The following NEK11 variants were observed in gnomAD, a reference collection of about 807,000 sequenced individuals.
NEK11 encodes NIMA related kinase 11.
In NEK11, 72 loss-of-function variants were observed where a neutral mutation model predicts 80.7. The observed-to-expected ratio is 0.89, with a 90% CI of 0.74 to 1.08. NEK11 has a LOEUF of 1.08. Ranked by LOEUF, NEK11 falls within the 50% of genes least tolerant of loss-of-function variation. The probability of loss-of-function intolerance (pLI) is 0.00; values close to 1 mark genes in which losing one functional copy is unlikely to be tolerated. For synonymous variants in NEK11, 251 were observed against 260.7 expected (o/e 0.96, Z 0.36); for missense variants, 764 against 763.6 (o/e 1.00, Z -0.01).
At chr3:131,347,744 G>C (rs151221215) in intron 17 of NEK11, among the ~76,000 whole-genome samples, 152 of 152,266 alleles carry the variant, frequency 1.0e-3, no homozygotes, top group African/African-American at 3.6e-3. Context: ...TTCGAGACCA[G>C]CCTGGCCAAC....
At chr3:131,348,960 CATT>C (rs1264606930) in intron 17 of NEK11, among the ~76,000 whole-genome samples, 1 of 152,050 alleles carries the variant, frequency 6.6e-6, no homozygotes, top group African/African-American at 2.4e-5. Flanking sequence ...TCCTCCTCCT[CATT>C]ATTATTTTGT....
intron 17 of NEK11, among the ~76,000 whole-genome samples, chr3:131,286,132 T>G (rs967795936): frequency 1.3e-5 from 2 of 152,260 alleles, no homozygotes; most frequent in African/African-American, 4.8e-5. Context: ...TAGTGTCTCA[T>G]TGACTATGAA....
intron 17 of NEK11, among the ~76,000 whole-genome samples, chr3:131,285,697 A>G (rs2096461949): frequency 6.6e-6 from 1 of 152,176 alleles, no homozygotes; most frequent in Non-Finnish European, 1.5e-5. Flanking sequence ...CTTTACTAAT[A>G]ACTATGTCCT....
rs534877494 is a variant in NEK11, at chr3:131,141,763, G to A, written c.647+7807G>A. On this transcript the variant is annotated intron_variant, in intron 7 of 17. Transcript: ENST00000383366. ...GACATGGAAGCATGAGAAAGCTCAG[G>A]TTCTTCTGATTAGCTGTAGGACAAA... 1.5e-3 allele frequency among the ~76,000 whole-genome samples: 222 copies of A among 152,262 alleles called. 2 individuals are homozygous for A. Among genetic ancestry groups the A allele is most frequent in the Non-Finnish European group, 1.2e-3 (85 of 68,020 alleles).
chr3:131,173,045 A>G (rs556622296), intron 14 of NEK11, among the ~76,000 whole-genome samples: 1 of 152,210 alleles, frequency 6.6e-6, no homozygotes, highest in Non-Finnish European at 1.5e-5. Flanking sequence ...ATGAATCCTC[A>G]GTTCTGGGAG....
At chr3:131,141,591 C>A (rs1036625222) in intron 7 of NEK11, among the ~76,000 whole-genome samples, 4 of 152,034 alleles carry the variant, frequency 2.6e-5, no homozygotes, top group African/African-American at 9.7e-5. Flanking sequence ...TTATTTAATG[C>A]CAAAATTTCA....
intron 3 of NEK11, among the ~76,000 whole-genome samples, chr3:131,048,243 T>C (rs533165805): frequency 6.6e-6 from 1 of 152,284 alleles, no homozygotes; most frequent in South Asian, 2.1e-4. Context: ...GTTCTGTGTT[T>C]CCCCACCTGC....
intron 5 of NEK11, among the ~76,000 whole-genome samples, chr3:131,121,148 C>T (rs141126528): frequency 6.0e-4 from 91 of 152,304 alleles, no homozygotes; most frequent in African/African-American, 1.9e-3. Flanking sequence ...ATGATGGTGA[C>T]GTACAGATGG....
At chr3:131,181,745 C>CAAAAA (rs58463955) in intron 14 of NEK11, among the ~76,000 whole-genome samples, 52 of 82,806 alleles carry the variant, frequency 6.3e-4, no homozygotes, top group South Asian at 1.4e-3. Flanking sequence ...GACTCCGCCT[C>CAAAAA]AAAAAAAAAA....
At chr3:131,284,507 G>T (rs191342113) in intron 17 of NEK11, among the ~76,000 whole-genome samples, 1 of 152,274 alleles carries the variant, frequency 6.6e-6, no homozygotes, top group African/African-American at 2.4e-5. Flanking sequence ...TCCCTGTGAT[G>T]GTTAAGTGAG....
chr3:131,152,268 C>A, intron 7 of NEK11, 120 bp from the exon 8 acceptor site: 2 of 751,558 alleles, frequency 2.7e-6, no homozygotes, highest in Non-Finnish European at 2.1e-6. Flanking sequence ...TTTAAGTCAA[C>A]TACTGATTGT....
intron 12 of NEK11, among the ~76,000 whole-genome samples, chr3:131,166,418 C>T (rs556146237): frequency 1.3e-5 from 2 of 152,320 alleles, no homozygotes; most frequent in South Asian, 4.1e-4. Flanking sequence ...AGACCTCACC[C>T]TCAGCCAGAC....
intron 14 of NEK11, among the ~76,000 whole-genome samples, chr3:131,212,521 G>A (rs2094668001): frequency 6.7e-6 from 1 of 148,922 alleles, no homozygotes; most frequent in South Asian, 2.1e-4. Flanking sequence ...TGTCTTCAAA[G>A]CTCAGTTGGA....
intron 3 of NEK11, among the ~76,000 whole-genome samples, chr3:131,077,551 C>T (rs1242153584): frequency 2.6e-5 from 4 of 152,156 alleles, no homozygotes; most frequent in African/African-American, 9.7e-5. Flanking sequence ...TGCTCTGCTG[C>T]ACAATAGTTG....
In NEK11 at chr3:131,308,330, G is replaced by T. The variant is rs886362251; in HGVS notation, c.1718+34756G>T. Among the ~76,000 whole-genome samples the T allele has an allele frequency of 3.9e-5, 6 of 152,148 alleles. No individual in the cohort carries two copies. The East Asian group carries it at 9.6e-4, about 24-fold the overall frequency. On this transcript the variant is annotated intron_variant, in intron 17 of 17. Transcript: ENST00000383366. Reference sequence around the variant, plus strand: ...AATCTTACCCATAATAGTCAAGAAAGTCTTAATACAATAAAACAGTTCTTA... The same window carrying T: ...AATCTTACCCATAATAGTCAAGAAATTCTTAATACAATAAAACAGTTCTTA...
intron 16 of NEK11, among the ~76,000 whole-genome samples, chr3:131,272,314 G>T (rs2096205868): frequency 6.6e-6 from 1 of 151,920 alleles, no homozygotes; most frequent in Non-Finnish European, 1.5e-5. Context: ...TTTACTGATG[G>T]GATGTGAAGC....
At position 131,349,669 on chromosome 3, in the gene NEK11, G is replaced by C; in HGVS notation, c.1831G>C (p.Val611Leu). 1 of 1,614,174 alleles carries C rather than the reference G, an allele frequency of 6.2e-7. No homozygotes were observed. Among genetic ancestry groups the C allele is most frequent in the Non-Finnish European group, 8.5e-7 (1 of 1,180,022 alleles). The part of the protein sequence containing the change: ...EAEIRECLEK[V>L]VPQASDCFEV... ...AGAGATCCGCGAGTGTTTGGAAAAA[G>C]TGGTGCCTCAAGCCAGCGACTGTTT... Residue 611 changes from valine to leucine, a missense_variant, in exon 18 of 18, where the codon GTG becomes CTG. Coordinates refer to ENST00000383366, the MANE Select transcript of NEK11 (RefSeq NM_024800.5).
At chr3:131,278,111 T>G (rs1210147435) in intron 17 of NEK11, among the ~76,000 whole-genome samples, 1 of 152,232 alleles carries the variant, frequency 6.6e-6, no homozygotes, top group Non-Finnish European at 1.5e-5. Flanking sequence ...CGAAAAGTGC[T>G]AGTGCCAATT....
chr3:131,234,926 G>C (rs1352185318), intron 15 of NEK11, among the ~76,000 whole-genome samples: 1 of 151,720 alleles, frequency 6.6e-6, no homozygotes, highest in African/African-American at 2.4e-5. Context: ...TTTAAAATTA[G>C]GTCCATTATA....
Sources: gnomAD v4.1 joint callset for allele counts (sites outside exome capture counted in the v4.1 genomes callset) on GRCh38, gnomAD v4.1.1 for gene constraint, MANE v1.5 for transcripts, NCBI Gene and HGNC (gene_info 2026-07-23, HGNC 2026-07-21) for gene names.